The following WDR20 variants were observed in gnomAD, a reference collection of about 807,000 sequenced individuals.
The protein encoded by WDR20 is WD repeat domain 20, also known as WD repeat-containing protein 20.
WDR20 carries 3 observed loss-of-function variants against 38.7 expected under a neutral mutation model. The observed-to-expected ratio is 0.08, with a 90% CI of 0.04 to 0.20. WDR20 has a LOEUF of 0.20. Among genes scored for constraint, WDR20 ranks in the 10% least tolerant of loss-of-function variants. The pLI is 1.00. For synonymous variants in WDR20, 298 were observed against 285.6 expected, an observed-to-expected ratio of 1.04 and a Z score of -0.44; for missense variants, 559 against 727.7, an observed-to-expected ratio of 0.77 and a Z score of 2.67.
rs1045310189 is a variant in WDR20, at chr14:102,220,161, C to T, written c.1693-2669C>T. 1.3e-5 allele frequency among the ~76,000 whole-genome samples: 2 copies of T among 152,216 alleles called. No individual in the cohort carries two copies. The highest frequency in any genetic ancestry group is 2.9e-5 in the Non-Finnish European group (2 of 68,034). ...CAGCCTGGTGGCTGCGCCACCTCTG[C>T]GTCTCAGCAGCCGCCCTCCCCTGGG... On this transcript the variant is annotated intron_variant, in intron 3 of 3. Coordinates refer to the WDR20 transcript ENST00000335263. The surrounding 1 kb of genome is among the most constrained non-coding windows in gnomAD (Gnocchi z 4.2).
intron 1 of WDR20, among the ~76,000 whole-genome samples, chr14:102,159,820 G>A (rs2152763892): frequency 6.6e-6 from 1 of 151,412 alleles, no homozygotes; most frequent in South Asian, 2.1e-4. Flanking sequence ...GGCAACAGAG[G>A]AAGAGCCTGT....
downstream of WDR20, chr14:102,213,614 T>C (rs1368437234): frequency 1.0e-6 from 1 of 985,266 alleles, no homozygotes; most frequent in Non-Finnish European, 1.2e-6. Flanking sequence ...GGCCCAGGGC[T>C]CTCCACTGGC....
intron 1 of WDR20, among the ~76,000 whole-genome samples, chr14:102,190,813 C>T (rs2066176712): frequency 6.6e-6 from 1 of 152,004 alleles, no homozygotes; most frequent in Non-Finnish European, 1.5e-5. Context: ...CCAGCATGGC[C>T]AACATGGTAA....
At chr14:102,176,967 A>C (rs561368727) in intron 1 of WDR20, among the ~76,000 whole-genome samples, 4 of 152,200 alleles carry the variant, frequency 2.6e-5, no homozygotes, top group Non-Finnish European at 5.9e-5. Context: ...ACCTCAGGTG[A>C]TCCGCCTGCC....
In WDR20 at chr14:102,209,726, A is replaced by G. The variant is rs770648895; in HGVS notation, c.1556A>G (p.Asp519Gly). 20 of 1,614,042 alleles carry G rather than the reference A, an allele frequency of 1.2e-5. No individual in the cohort carries two copies. The highest frequency in any genetic ancestry group is 5.1e-6 in the Non-Finnish European group (6 of 1,180,060). ...LGTPLCPRMEDVPLLEPLICK... is the reference protein window; with the variant it reads ...LGTPLCPRMEGVPLLEPLICK... ...ACGCCCCTGTGTCCTCGAATGGAAGATGTTCCCTTGTTAGAGCCGCTGATA... is the reference window on the plus strand; with the variant it reads ...ACGCCCCTGTGTCCTCGAATGGAAGGTGTTCCCTTGTTAGAGCCGCTGATA... The change falls in exon 3 of 3, where the codon GAT becomes GGT. Residue 519 changes from aspartate (D) to glycine (G), a missense_variant. Physicochemically the swap from Asp to Gly is moderately conservative, Grantham distance 94. Transcript: ENST00000342702. This position sits in a 1 kb window ranked among gnomAD's most constrained non-coding sequence, Gnocchi z 6.0.
intron 2 of WDR20, among the ~76,000 whole-genome samples, chr14:102,204,846 G>A (rs1365861645): frequency 6.6e-6 from 1 of 152,374 alleles, no homozygotes; most frequent in African/African-American, 2.4e-5. Flanking sequence ...ATGTCCATCA[G>A]TGGGGCACTT....
downstream of WDR20, among the ~76,000 whole-genome samples, chr14:102,215,489 A>G (rs975032512): frequency 6.6e-6 from 1 of 152,046 alleles, no homozygotes; most frequent in Non-Finnish European, 1.5e-5. Flanking sequence ...GTTCTGGGAT[A>G]TATGTGCTGA....
chr14:102,224,680 G>A (rs1304594570), downstream of WDR20: 6 of 455,848 alleles, frequency 1.3e-5, no homozygotes, highest in East Asian at 2.1e-4. Context: ...CTCAGCCCTC[G>A]GTTTAGTTTT....
At chr14:102,155,911 T>G (rs1241057110) in intron 1 of WDR20, among the ~76,000 whole-genome samples, 1 of 150,874 alleles carries the variant, frequency 6.6e-6, no homozygotes, top group Non-Finnish European at 1.5e-5. Context: ...GGTAGATGGG[T>G]CTACATGAAG....
upstream of WDR20, chr14:102,139,800 G>GC: frequency 7.0e-7 from 1 of 1,435,270 alleles, no homozygotes; most frequent in South Asian, 1.3e-5. Flanking sequence ...CGCAGGGCTG[G>GC]CCCGCGGGTG....
chr14:102,209,782 G>C lies in WDR20; in HGVS notation c.1612G>C (p.Val538Leu). The C allele has an allele frequency of 1.2e-6, 2 of 1,614,056 alleles. No individual in the cohort carries two copies. The highest frequency in any genetic ancestry group is 1.7e-6 in the Non-Finnish European group (2 of 1,180,044). Residue 538 changes from valine to leucine, a missense_variant, in exon 3 of 3, where the codon GTA becomes CTA. Transcript: ENST00000342702. The surrounding 1 kb of genome is among the most constrained non-coding windows in gnomAD (Gnocchi z 6.0). The stretch of plus-strand genomic sequence containing the variant: ...AAAGATAGCACATGAGAGACTGACT[G>C]TACTAATATTTCTTGAAGACTGTAT... ...CKKIAHERLT[V>L]LIFLEDCIVT...
rs569398736 is a variant in WDR20 at position 102,156,895 on chromosome 14, G to A, written c.249+16723G>A. Among the ~76,000 whole-genome samples the A allele has an allele frequency of 7.6e-4, 116 of 152,250 alleles. 4 individuals are homozygous for A. The highest frequency in any genetic ancestry group is 2.4e-3 in the African/African-American group (101 of 41,506). On this transcript the variant is annotated intron_variant, in intron 1 of 2. Transcript: ENST00000342702. ...AATCACAGAAACTTGGGAGGCTAAG[G>A]CAGGAGAATTGCTTGAACCTGGGAG...
At chr14:102,162,936 T>C (rs544608481) in intron 1 of WDR20, among the ~76,000 whole-genome samples, 1 of 152,244 alleles carries the variant, frequency 6.6e-6, no homozygotes, top group East Asian at 1.9e-4. Flanking sequence ...CAAAATCCCT[T>C]TCACAAGCCA....
downstream of WDR20, among the ~76,000 whole-genome samples, chr14:102,224,019 TCA>T (rs2064144823): frequency 6.6e-6 from 1 of 151,204 alleles, no homozygotes; most frequent in South Asian, 2.1e-4. Flanking sequence ...AACTAGCTAA[TCA>T]CACTGTTTAC....
intron 2 of WDR20, among the ~76,000 whole-genome samples, chr14:102,196,279 G>A (rs2059391968): frequency 6.6e-6 from 1 of 151,882 alleles, no homozygotes; most frequent in Non-Finnish European, 1.5e-5. Context: ...CTTGCCATCT[G>A]GACTGACAGA....
intron 1 of WDR20, among the ~76,000 whole-genome samples, chr14:102,166,556 CATT>C (rs1240542826): frequency 6.6e-6 from 1 of 152,178 alleles, no homozygotes; most frequent in Non-Finnish European, 1.5e-5. Context: ...ATAAATATCT[CATT>C]GTGATTCTGG....
chr14:102,139,528 C>T (rs917522001), upstream of WDR20: 12 of 1,027,354 alleles, frequency 1.2e-5, no homozygotes, highest in Admixed American at 2.3e-4. Flanking sequence ...GCTGAGGAGG[C>T]ACCCTCAAGT....
At chr14:102,183,233 A>G (rs1035695679) in intron 1 of WDR20, among the ~76,000 whole-genome samples, 1 of 152,232 alleles carries the variant, frequency 6.6e-6, no homozygotes, top group African/African-American at 2.4e-5. Flanking sequence ...TTTTCCTCAC[A>G]CTAGTATTTG....
chr14:102,201,113 C>T (rs1458330594), intron 2 of WDR20, among the ~76,000 whole-genome samples: 2 of 152,210 alleles, frequency 1.3e-5, no homozygotes, highest in Admixed American at 6.5e-5. Context: ...ACAGATAAAA[C>T]GACATCCGAT....
Sources: allele counts gnomAD v4.1 joint callset (sites outside exome capture counted in the v4.1 genomes callset), GRCh38; gene constraint gnomAD v4.1.1; non-coding constraint Gnocchi (gnomAD v3.1); transcripts MANE v1.5; gene names NCBI Gene and HGNC (gene_info 2026-07-23, HGNC 2026-07-21).